Variants in INPP4B observed in about 807,000 individuals in gnomAD.
The protein encoded by INPP4B is inositol polyphosphate 4-phosphatase type II.
Under a neutral mutation model 122.5 loss-of-function variants are expected in INPP4B, and 55 were observed. The ratio of observed to expected loss-of-function variants is 0.45; its 90% CI spans 0.36 to 0.56. The LOEUF is 0.56. Among genes scored for constraint, INPP4B ranks in the 20% least tolerant of loss-of-function variants. INPP4B has a pLI of 0.00. For missense variants in INPP4B, 1,000 were observed against 1,097.7 expected (o/e 0.91, Z 1.26); for synonymous variants, 403 against 388.7 (o/e 1.04, Z -0.43).
At chr4:142,547,671 G>A (rs377257694) in intron 2 of INPP4B, among the ~76,000 whole-genome samples, 4 of 152,086 alleles carry the variant, frequency 2.6e-5, no homozygotes, top group Non-Finnish European at 4.4e-5. Context: ...TGTTGAATGA[G>A]GCTCAAACAC....
At chr4:142,660,480 A>G (rs1754973431) in intron 2 of INPP4B, among the ~76,000 whole-genome samples, 1 of 151,724 alleles carries the variant, frequency 6.6e-6, no homozygotes, top group African/African-American at 2.4e-5. Flanking sequence ...TTCTCTCTTC[A>G]CTGATATTTA....
chr4:142,067,255 G>A (rs1016237349), intron 25 of INPP4B, among the ~76,000 whole-genome samples: 7 of 152,228 alleles, frequency 4.6e-5, no homozygotes, highest in African/African-American at 2.4e-5. Context: ...ACCTGCAGCT[G>A]AGGGTCCTGA....
At chr4:142,285,025 G>A (rs570506171) in intron 9 of INPP4B, among the ~76,000 whole-genome samples, 5 of 152,170 alleles carry the variant, frequency 3.3e-5, no homozygotes, top group African/African-American at 7.2e-5. Context: ...AAGTGGATGT[G>A]GGGGAGGGGC....
intron 3 of INPP4B, among the ~76,000 whole-genome samples, chr4:142,461,944 AATGG>A (rs1219093736): frequency 7.9e-5 from 12 of 152,258 alleles, no homozygotes; most frequent in African/African-American, 2.6e-4. Context: ...GGCTTCTTAC[AATGG>A]ATATTAAGGA....
chr4:142,413,857 T>C (rs748741726), intron 5 of INPP4B, among the ~76,000 whole-genome samples: 24 of 152,114 alleles, frequency 1.6e-4, no homozygotes, highest in Non-Finnish European at 3.1e-4. Flanking sequence ...GCTTGTCTGG[T>C]TGTCTGCATA....
chr4:142,236,239 G>A (rs1020022587), intron 12 of INPP4B, among the ~76,000 whole-genome samples: 7 of 152,250 alleles, frequency 4.6e-5, no homozygotes, highest in South Asian at 4.2e-4. Context: ...GTGTCCAGTG[G>A]TCTAGAACGC....
At chr4:142,148,519 T>G (rs1812028887) in intron 17 of INPP4B, among the ~76,000 whole-genome samples, 1 of 152,230 alleles carries the variant, frequency 6.6e-6, no homozygotes, top group South Asian at 2.1e-4. Flanking sequence ...CAAAGGGAAC[T>G]TTATATTTTG....
chr4:142,760,993 A>G (rs559766313), intron 1 of INPP4B, among the ~76,000 whole-genome samples: 4 of 152,180 alleles, frequency 2.6e-5, no homozygotes, highest in Non-Finnish European at 5.9e-5. Context: ...CTAATATAGT[A>G]CACATCACAG....
chr4:142,829,267 T>C (rs1032697994), intron 1 of INPP4B, among the ~76,000 whole-genome samples: 1 of 152,090 alleles, frequency 6.6e-6, no homozygotes, highest in East Asian at 1.9e-4. Flanking sequence ...AAAGCTGACC[T>C]GTAGGAATCA....
chr4:142,064,869 C>G (rs1762724465), intron 25 of INPP4B, among the ~76,000 whole-genome samples: 1 of 152,058 alleles, frequency 6.6e-6, no homozygotes, highest in Non-Finnish European at 1.5e-5. Flanking sequence ...TTTGAAAACT[C>G]TAAAGCATAT....
chr4:142,693,476 C>T (rs1760521580), intron 2 of INPP4B, among the ~76,000 whole-genome samples: 1 of 96,710 alleles, frequency 1.0e-5, no homozygotes, highest in African/African-American at 4.1e-5. Context: ...CTTAAAATGC[C>T]TTTTTCTAAA....
At chr4:142,385,005 TA>T (rs1795484117) in intron 7 of INPP4B, among the ~76,000 whole-genome samples, 1 of 152,210 alleles carries the variant, frequency 6.6e-6, no homozygotes, top group South Asian at 2.1e-4. Flanking sequence ...TTATCCAGTC[TA>T]TGGTTGATGG....
chr4:142,146,851 C>A (rs149848065), intron 17 of INPP4B, among the ~76,000 whole-genome samples: 5 of 152,202 alleles, frequency 3.3e-5, no homozygotes, highest in Admixed American at 3.3e-4. Flanking sequence ...TCCCAAGAAG[C>A]AGCCTGTACC....
chr4:142,769,051 G>A (rs1338283509), intron 1 of INPP4B, among the ~76,000 whole-genome samples: 2 of 152,186 alleles, frequency 1.3e-5, no homozygotes, highest in African/African-American at 4.8e-5. Flanking sequence ...GTGAAGAGAA[G>A]AGGTCAAATT....
intron 10 of INPP4B, among the ~76,000 whole-genome samples, chr4:142,262,086 C>A (rs116378277): frequency 1.3e-5 from 2 of 152,158 alleles, no homozygotes; most frequent in Non-Finnish European, 2.9e-5. Flanking sequence ...ACATAAAATT[C>A]TAATTTTTCC....
At chr4:142,472,292 A>C (rs1431335478) in intron 2 of INPP4B, among the ~76,000 whole-genome samples, 11 of 151,862 alleles carry the variant, frequency 7.2e-5, no homozygotes, top group Admixed American at 7.2e-4. Flanking sequence ...TCAGAATCTT[A>C]AGCTACAAAA....
At chr4:142,511,373 C>T (rs1331713520) in intron 2 of INPP4B, among the ~76,000 whole-genome samples, 1 of 152,036 alleles carries the variant, frequency 6.6e-6, no homozygotes, top group Non-Finnish European at 1.5e-5. Flanking sequence ...GACAGTAATC[C>T]TAACAGGAAG....
intron 2 of INPP4B, among the ~76,000 whole-genome samples, chr4:142,504,053 C>T (rs2149832927): frequency 6.6e-6 from 1 of 152,092 alleles, no homozygotes; most frequent in South Asian, 2.1e-4. Flanking sequence ...ATAACTTATA[C>T]ATCTATTTGA....
At chr4:142,076,201 A>G (rs538439065) in intron 25 of INPP4B, among the ~76,000 whole-genome samples, 1 of 152,196 alleles carries the variant, frequency 6.6e-6, no homozygotes, top group South Asian at 2.1e-4. Context: ...TCAATAGAAT[A>G]CTATGACAAT....
Sources: allele counts gnomAD v4.1 joint callset (sites outside exome capture counted in the v4.1 genomes callset), GRCh38; gene constraint gnomAD v4.1.1; transcripts MANE v1.5; gene names NCBI Gene and HGNC (gene_info 2026-07-23, HGNC 2026-07-21).